Variants in JMJD1C observed in about 807,000 individuals in gnomAD.
The protein encoded by JMJD1C is jumonji domain-containing protein 1C.
In JMJD1C, 31 loss-of-function variants were observed where a neutral mutation model predicts 245.3. The ratio of observed to expected loss-of-function variants is 0.13; its 90% CI spans 0.09 to 0.17. The LOEUF is 0.17. Ranked by LOEUF, JMJD1C falls within the 10% of genes least tolerant of loss-of-function variation. The pLI is 1.00. For synonymous variants in JMJD1C, 1,057 were observed against 1,017.4 expected (o/e 1.04, Z -0.74); for missense variants, 2,691 against 3,000.2 (o/e 0.90, Z 2.41).
intron 2 of JMJD1C, among the ~76,000 whole-genome samples, chr10:63,369,476 G>A (rs928878749): frequency 1.3e-5 from 2 of 152,112 alleles, no homozygotes; most frequent in African/African-American, 4.8e-5. Flanking sequence ...AGTCCTGCAT[G>A]AATTTTTCAT....
chr10:63,491,908 T>C (rs1283109240), intron 1 of JMJD1C, among the ~76,000 whole-genome samples: 1 of 152,232 alleles, frequency 6.6e-6, no homozygotes, highest in Non-Finnish European at 1.5e-5. Context: ...AACAGCTATT[T>C]GTCAGCACAA....
intron 2 of JMJD1C, among the ~76,000 whole-genome samples, chr10:63,314,118 A>G (rs1250776261): frequency 1.3e-5 from 2 of 152,210 alleles, no homozygotes; most frequent in African/African-American, 4.8e-5. Context: ...ACGAGGATCC[A>G]GTTTCATTCT....
At chr10:63,421,741 T>C (rs984378890) in intron 1 of JMJD1C, among the ~76,000 whole-genome samples, 2 of 152,176 alleles carry the variant, frequency 1.3e-5, no homozygotes, top group Admixed American at 6.5e-5. Flanking sequence ...TGGAGTACTT[T>C]TAAGAGGAAG....
chr10:63,421,739 T>C lies in JMJD1C; in HGVS notation c.169-41257A>G, dbSNP rs144593460. Among the ~76,000 whole-genome samples the C allele has an allele frequency of 4.6e-3, 699 of 152,280 alleles. 3 individuals are homozygous for C. Among genetic ancestry groups the C allele is most frequent in the Non-Finnish European group, 8.4e-3 (571 of 68,014 alleles). On this transcript the variant is annotated intron_variant, in intron 1 of 25. Coordinates refer to ENST00000399262, the MANE Select transcript of JMJD1C (RefSeq NM_032776.3). ...TGAAATCTGATTAAGACTGGAGTAC[T>C]TTTAAGAGGAAGAAATATCAGAGCT...
intron 2 of JMJD1C, among the ~76,000 whole-genome samples, chr10:63,295,977 G>A (rs1859355763): frequency 8.2e-5 from 3 of 36,620 alleles, no homozygotes; most frequent in Non-Finnish European, 1.1e-4. Context: ...GTGTGTGTGT[G>A]TGTGTGTGTG....
chr10:63,393,839 A>G (rs1948265859), intron 1 of JMJD1C, among the ~76,000 whole-genome samples: 1 of 152,166 alleles, frequency 6.6e-6, no homozygotes, highest in Non-Finnish European at 1.5e-5. Flanking sequence ...GAAAAAGAAC[A>G]AAGAGTTGCA....
chr10:63,196,250 A>G (rs1845441688), intron 13 of JMJD1C, among the ~76,000 whole-genome samples: 1 of 152,094 alleles, frequency 6.6e-6, no homozygotes, highest in South Asian at 2.1e-4. Context: ...TCTCAACAAC[A>G]ACATCCAAAA....
intron 1 of JMJD1C, among the ~76,000 whole-genome samples, chr10:63,400,044 C>T (rs1171061591): frequency 6.6e-6 from 1 of 152,006 alleles, no homozygotes; most frequent in African/African-American, 2.4e-5. Context: ...TATTATTTTA[C>T]TTAACAAAAT....
intron 1 of JMJD1C, among the ~76,000 whole-genome samples, chr10:63,511,440 G>T (rs1954869051): frequency 6.6e-6 from 1 of 152,196 alleles, no homozygotes; most frequent in Non-Finnish European, 1.5e-5. Context: ...GGCTAGGCGT[G>T]GTGGCTCACG....
In JMJD1C at chr10:63,219,954, G is replaced by C; in HGVS notation, c.477C>G (p.Leu159=). 6.2e-7 allele frequency: 1 copy of C among 1,613,622 alleles called. No individual in the cohort carries two copies. Among genetic ancestry groups the C allele is most frequent in the Non-Finnish European group, 8.5e-7 (1 of 1,179,624 alleles). Residue 159 remains leucine, a synonymous_variant, in exon 4 of 26, where the codon CTC becomes CTG. Coordinates refer to ENST00000399262, the MANE Select transcript of JMJD1C (RefSeq NM_032776.3). ...CCTCATGAAGCTGCGGGTTGTCCCT[G>C]AGAACTGGGTTTAGGCTGTCTATGT... ...QDDIDSLNPV[L]RDNPQLHEEV...
intron 17 of JMJD1C, 151 bp downstream of exon 17, chr10:63,190,743 T>A (rs1017084931): frequency 1.1e-5 from 7 of 648,860 alleles, no homozygotes; most frequent in Non-Finnish European, 1.9e-5. Context: ...GCTTTCAAGG[T>A]AAAGAGAGTT....
chr10:63,395,132 G>A (rs775353974), intron 1 of JMJD1C, among the ~76,000 whole-genome samples: 6 of 152,102 alleles, frequency 3.9e-5, no homozygotes, highest in Admixed American at 1.3e-4. Flanking sequence ...TTAATAATTA[G>A]AGAAATACAA....
intron 10 of JMJD1C, chr10:63,202,452 G>T: frequency 1.0e-6 from 1 of 985,372 alleles, no homozygotes. Context: ...CCAATGTGTG[G>T]ATCAGAGGTA....
In JMJD1C at chr10:63,299,823, G is replaced by C. The variant is rs530939223; in HGVS notation, c.334-35059C>G. On this transcript the variant is annotated intron_variant, in intron 2 of 25. Transcript: ENST00000399262. ...TGAAATTCAGAGATGATTTTGCCTT[G>C]GAAAATCATCTCTGCAAGAAATAGT... Among the ~76,000 whole-genome samples the C allele has an allele frequency of 3.7e-3, 561 of 151,372 alleles. 3 individuals carry two copies. Among genetic ancestry groups the C allele is most frequent in the Non-Finnish European group, 5.3e-3 (357 of 67,858 alleles).
chr10:63,436,142 G>A (rs1273548601), intron 1 of JMJD1C, among the ~76,000 whole-genome samples: 1 of 152,188 alleles, frequency 6.6e-6, no homozygotes, highest in Non-Finnish European at 1.5e-5. Flanking sequence ...ATTATATGAG[G>A]AGGGAGGAGG....
intron 1 of JMJD1C, among the ~76,000 whole-genome samples, chr10:63,395,492 C>A (rs1432711833): frequency 1.3e-5 from 2 of 151,950 alleles, no homozygotes; most frequent in African/African-American, 4.8e-5. Context: ...AAAAGAATGA[C>A]TAAAATTTTT....
intron 2 of JMJD1C, among the ~76,000 whole-genome samples, chr10:63,352,631 C>CT (rs1944456731): frequency 9.8e-6 from 1 of 101,958 alleles, no homozygotes; most frequent in African/African-American, 3.4e-5. Flanking sequence ...GAGTGAGACT[C>CT]TGTCTCAAAA....
At chr10:63,275,975 T>A (rs997323888) in intron 2 of JMJD1C, among the ~76,000 whole-genome samples, 3 of 152,230 alleles carry the variant, frequency 2.0e-5, no homozygotes, top group Non-Finnish European at 1.5e-5. Flanking sequence ...TTAGTTTTAT[T>A]ATTCATTCTC....
At chr10:63,307,179 T>TAA (rs899773897) in intron 2 of JMJD1C, among the ~76,000 whole-genome samples, 1 of 148,098 alleles carries the variant, frequency 6.8e-6, no homozygotes, top group East Asian at 2.0e-4. Flanking sequence ...ACTGTCTCTT[T>TAA]AAAAAAAAAA....
Sources: allele counts gnomAD v4.1 joint callset (sites outside exome capture counted in the v4.1 genomes callset), GRCh38; gene constraint gnomAD v4.1.1; transcripts MANE v1.5; gene names NCBI Gene and HGNC (gene_info 2026-07-23, HGNC 2026-07-21).